Variants in CERS6 observed in about 807,000 individuals in gnomAD.
CERS6 encodes the protein ceramide synthase 6.
A neutral mutation model predicts 56.8 loss-of-function variants in CERS6; 26 were observed. The ratio of observed to expected loss-of-function variants is 0.46; its 90% CI spans 0.34 to 0.63. The LOEUF (loss-of-function observed/expected upper bound fraction) is 0.63, where lower values mean the gene tolerates loss of function less well. CERS6 is among the 30% of genes least tolerant of loss of function. CERS6 has a pLI of 0.01. For synonymous variants in CERS6, 164 were observed against 173.3 expected, an observed-to-expected ratio of 0.95 and a Z score of 0.42; for missense variants, 415 against 467.5, an observed-to-expected ratio of 0.89 and a Z score of 1.04.
intron 3 of CERS6, among the ~76,000 whole-genome samples, chr2:168,578,783 G>C (rs148821247): frequency 6.6e-6 from 1 of 152,066 alleles, no homozygotes; most frequent in Admixed American, 6.6e-5. Context: ...AATAAAAACC[G>C]TAAGGGATGC....
At chr2:168,555,880 A>T (rs187849154) in intron 2 of CERS6, among the ~76,000 whole-genome samples, 2 of 151,982 alleles carry the variant, frequency 1.3e-5, no homozygotes, top group African/African-American at 4.8e-5. Flanking sequence ...GTAGGTATAT[A>T]TTTTTTTCTT....
At chr2:168,736,253 G>T (rs748607199) in intron 8 of CERS6, among the ~76,000 whole-genome samples, 2 of 152,184 alleles carry the variant, frequency 1.3e-5, no homozygotes, top group African/African-American at 4.8e-5. Flanking sequence ...TTAAAGCACT[G>T]TATAGCACTG....
At chr2:168,681,251 A>G (rs1288120332) in intron 4 of CERS6, among the ~76,000 whole-genome samples, 1 of 152,134 alleles carries the variant, frequency 6.6e-6, no homozygotes, top group Non-Finnish European at 1.5e-5. Flanking sequence ...ATTCTCTGTT[A>G]TTTGCTCATC....
At chr2:168,540,541 A>G (rs1322411231) in intron 1 of CERS6, among the ~76,000 whole-genome samples, 2 of 152,310 alleles carry the variant, frequency 1.3e-5, no homozygotes, top group East Asian at 1.9e-4. Context: ...GCAATACCAT[A>G]TATCTTAGGC....
intron 4 of CERS6, 79 bp downstream of exon 4, chr2:168,631,121 CTG>C: frequency 3.3e-6 from 2 of 597,728 alleles, no homozygotes; most frequent in African/African-American, 3.9e-5. Context: ...TAATGTGTGA[CTG>C]TAATAATATT....
At chr2:168,468,144 G>T (rs192867509) in intron 1 of CERS6, among the ~76,000 whole-genome samples, 6 of 152,114 alleles carry the variant, frequency 3.9e-5, no homozygotes, top group Admixed American at 6.5e-5. Flanking sequence ...TTAAACAAGT[G>T]GGGGGCCGCT....
At chr2:168,741,376 A>T (rs1392825552) in intron 8 of CERS6, among the ~76,000 whole-genome samples, 109 of 1,874 alleles carry the variant, frequency 0.058, 1 homozygote, top group East Asian at 0.5. Context: ...GGAGAATTAA[A>T]AAAAAAAAAA....
chr2:168,644,574 G>C (rs1685127372), intron 4 of CERS6, among the ~76,000 whole-genome samples: 1 of 152,134 alleles, frequency 6.6e-6, no homozygotes, highest in Non-Finnish European at 1.5e-5. Flanking sequence ...CACTGCAGCA[G>C]CCATGCTCCT....
At chr2:168,463,468 T>A (rs976710730) in intron 1 of CERS6, among the ~76,000 whole-genome samples, 8 of 152,246 alleles carry the variant, frequency 5.3e-5, no homozygotes, top group African/African-American at 1.9e-4. Flanking sequence ...GATGATTTCC[T>A]AAGGAATGTT....
chr2:168,584,240 T>G (rs1418994569), intron 3 of CERS6, among the ~76,000 whole-genome samples: 1 of 152,224 alleles, frequency 6.6e-6, no homozygotes, highest in African/African-American at 2.4e-5. Flanking sequence ...ATACTGCCAG[T>G]GAGCTGCAGT....
intron 6 of CERS6, among the ~76,000 whole-genome samples, chr2:168,701,479 A>T (rs1686802752): frequency 6.6e-6 from 1 of 152,206 alleles, no homozygotes; most frequent in Non-Finnish European, 1.5e-5. Context: ...AGAAGTAATC[A>T]TGGGCAAAAT....
intron 1 of CERS6, among the ~76,000 whole-genome samples, chr2:168,457,316 C>T (rs965515985): frequency 6.6e-6 from 1 of 152,122 alleles, no homozygotes; most frequent in Non-Finnish European, 1.5e-5. Context: ...AACTGATAAC[C>T]CTGTCCTGTG....
intron 1 of CERS6, among the ~76,000 whole-genome samples, chr2:168,510,283 A>C (rs1473850934): frequency 6.6e-6 from 1 of 152,216 alleles, no homozygotes; most frequent in African/African-American, 2.4e-5. Flanking sequence ...TTTGCTGATA[A>C]AACAACAGAG....
intron 8 of CERS6, among the ~76,000 whole-genome samples, chr2:168,759,500 C>T (rs955710238): frequency 2.6e-5 from 4 of 151,962 alleles, no homozygotes; most frequent in African/African-American, 7.3e-5. Flanking sequence ...AGTAGAGGTT[C>T]GATGCTATTA....
At chr2:168,497,422 AAAAG>A (rs1694492498) in intron 1 of CERS6, among the ~76,000 whole-genome samples, 3 of 152,256 alleles carry the variant, frequency 2.0e-5, no homozygotes, top group Admixed American at 1.3e-4. Context: ...GGAAAGAAAG[AAAAG>A]AAAGAAAGAT....
intron 8 of CERS6, among the ~76,000 whole-genome samples, chr2:168,750,861 G>C (rs949960335): frequency 6.6e-6 from 1 of 152,126 alleles, no homozygotes; most frequent in African/African-American, 2.4e-5. Context: ...TCCAACCCCA[G>C]TTCCTCAAAT....
At chr2:168,768,904 C>CAAAAA (rs765504573) in intron 9 of CERS6, among the ~76,000 whole-genome samples, 155 of 58,564 alleles carry the variant, frequency 2.6e-3, no homozygotes, top group African/African-American at 5.5e-3. Context: ...GACTCTGACT[C>CAAAAA]AAAAAAAAAA....
intron 2 of CERS6, among the ~76,000 whole-genome samples, chr2:168,557,504 C>T (rs1253543944): frequency 3.9e-5 from 6 of 152,052 alleles, no homozygotes; most frequent in East Asian, 3.9e-4. Flanking sequence ...CTGGTACTGG[C>T]GCATTAATAA....
At chr2:168,542,650 G>A (rs1307230355) in intron 1 of CERS6, among the ~76,000 whole-genome samples, 1 of 152,042 alleles carries the variant, frequency 6.6e-6, no homozygotes, top group Non-Finnish European at 1.5e-5. Flanking sequence ...TTTCCAGATT[G>A]TAAACTTCAT....
Sources: allele counts gnomAD v4.1 joint callset (sites outside exome capture counted in the v4.1 genomes callset), GRCh38; gene constraint gnomAD v4.1.1; transcripts MANE v1.5; gene names NCBI Gene and HGNC (gene_info 2026-07-23, HGNC 2026-07-21).